Variants in PIP5K1B observed in about 807,000 individuals in gnomAD.
The protein encoded by PIP5K1B is phosphatidylinositol 4-phosphate 5-kinase type-1 beta.
A neutral mutation model predicts 67.0 loss-of-function variants in PIP5K1B; 42 were observed. The ratio of observed to expected loss-of-function variants is 0.63; its 90% CI spans 0.49 to 0.81. The LOEUF (loss-of-function observed/expected upper bound fraction) is 0.81. PIP5K1B is among the 30% of genes least tolerant of loss of function. The pLI is 0.00. For synonymous variants in PIP5K1B, 214 were observed against 231.4 expected (o/e 0.92, Z 0.68); for missense variants, 459 against 646.3 (o/e 0.71, Z 3.14).
At chr9:68,786,943 C>A (rs181479799) in intron 2 of PIP5K1B, among the ~76,000 whole-genome samples, 1 of 152,114 alleles carries the variant, frequency 6.6e-6, no homozygotes, top group Non-Finnish European at 1.5e-5. Context: ...GTACCACCCC[C>A]GCATGGACAA....
intron 1 of PIP5K1B, among the ~76,000 whole-genome samples, chr9:68,725,717 G>A (rs1828117321): frequency 6.6e-6 from 1 of 152,088 alleles, no homozygotes; most frequent in Non-Finnish European, 1.5e-5. Flanking sequence ...AAAAAGAGAC[G>A]AACCCTGAAT....
chr9:68,955,848 T>C (rs1340883785), intron 14 of PIP5K1B, among the ~76,000 whole-genome samples: 2 of 152,264 alleles, frequency 1.3e-5, no homozygotes, highest in Non-Finnish European at 2.9e-5. Flanking sequence ...TTTTTGTTTA[T>C]AATAATCCTA....
chr9:68,985,254 C>CTT (rs749017407), intron 14 of PIP5K1B, among the ~76,000 whole-genome samples: 2 of 140,298 alleles, frequency 1.4e-5, no homozygotes, highest in Admixed American at 7.1e-5. Context: ...ATCTCTTCTT[C>CTT]TTTTTTTTTT....
In PIP5K1B at chr9:68,945,873, C is replaced by T. The variant is rs574494015; in HGVS notation, c.1502+5083C>T. On this transcript the variant is annotated intron_variant, in intron 14 of 15. Transcript: ENST00000265382. The stretch of plus-strand genomic sequence containing the variant: ...ATTTGGTGACATCCATACAAGTTCT[C>T]GTCTTCATCTTTTTGCCTTTTCTTT... Among the ~76,000 whole-genome samples, 4 of 152,304 alleles carry T rather than the reference C, an allele frequency of 2.6e-5. No individual in the cohort carries two copies. In the East Asian group the frequency reaches 5.8e-4, roughly 22 times the overall value.
At chr9:68,994,079 C>T (rs1288981825) in intron 15 of PIP5K1B, among the ~76,000 whole-genome samples, 1 of 106,116 alleles carries the variant, frequency 9.4e-6, no homozygotes, top group African/African-American at 3.4e-5. Context: ...TCACTCTTGT[C>T]GCCCAGGCTG....
chr9:68,784,476 A>G (rs1323353613), intron 2 of PIP5K1B: 1 of 166,654 alleles, frequency 6.0e-6, no homozygotes, highest in Non-Finnish European at 1.5e-5. Flanking sequence ...ATTGATTGTA[A>G]TCAAGAATAA....
rs1827086834 is a variant in PIP5K1B at position 68,705,617 on chromosome 9, T to TCCGCCCTCCCGCCCCTC, written c.-381_-365dup. On this transcript the variant is annotated 5_prime_UTR_variant, in exon 1 of 16. Transcript: ENST00000265382. ...GGCCCCGGCCCCGCCCGCCGCCCCC[T>TCCGCCCTCCCGCCCCTC]CCGCCCTCCCGCCCCTCCCGCCCCT... 1.3e-4 allele frequency: 1 copy of TCCGCCCTCCCGCCCCTC among 7,522 alleles called. No individual in the cohort carries two copies. Among genetic ancestry groups the TCCGCCCTCCCGCCCCTC allele is most frequent in the Admixed American group, 1.3e-3 (1 of 744 alleles). 0.5% of individuals were successfully genotyped at this position (7,522 alleles called of 1,614,324 possible).
chr9:68,776,857 A>G (rs183375466), intron 2 of PIP5K1B, among the ~76,000 whole-genome samples: 41 of 152,264 alleles, frequency 2.7e-4, no homozygotes, highest in African/African-American at 9.4e-4. Flanking sequence ...AGCTGGCTAC[A>G]TTGCATTTTA....
chr9:68,764,712 G>C (rs575706555), intron 2 of PIP5K1B, among the ~76,000 whole-genome samples: 2 of 152,152 alleles, frequency 1.3e-5, no homozygotes, highest in African/African-American at 4.8e-5. Context: ...AATAATGCTA[G>C]CAAAGACAAA....
intron 4 of PIP5K1B, among the ~76,000 whole-genome samples, chr9:68,863,441 G>A (rs764963406): frequency 2.0e-5 from 3 of 151,892 alleles, no homozygotes; most frequent in East Asian, 1.9e-4. Flanking sequence ...ACACACACAC[G>A]TATACAGTAG....
rs1385696514 is a variant in PIP5K1B, at chr9:68,894,777, T to C, written c.771+139T>C. The C allele has an allele frequency of 5.3e-6, 4 of 760,536 alleles. No individual in the cohort carries two copies. In the Admixed American group the frequency reaches 1.1e-4, roughly 21 times the overall value. 47.1% of individuals were successfully genotyped at this position (760,536 alleles called of 1,614,324 possible). ...ATCCTATCTTTCCCAATCCTGGCGCTGAGCCATGCTTCCCTGATATTGAAG... is the reference window on the plus strand; with the variant it reads ...ATCCTATCTTTCCCAATCCTGGCGCCGAGCCATGCTTCCCTGATATTGAAG... On this transcript the variant is annotated intron_variant, in intron 8 of 15. Transcript: ENST00000265382.
At chr9:68,884,442 T>C (rs539942578) in intron 6 of PIP5K1B, among the ~76,000 whole-genome samples, 1 of 151,028 alleles carries the variant, frequency 6.6e-6, no homozygotes, top group East Asian at 1.9e-4. Flanking sequence ...AGCAGGTGGA[T>C]TGCTTAGCCC....
intron 14 of PIP5K1B, among the ~76,000 whole-genome samples, chr9:68,956,475 A>G (rs1019642138): frequency 6.6e-6 from 1 of 152,212 alleles, no homozygotes; most frequent in Non-Finnish European, 1.5e-5. Flanking sequence ...CTCAGAAAAA[A>G]AAAGAAAGAA....
chr9:68,848,996 A>G (rs914805883), intron 4 of PIP5K1B, among the ~76,000 whole-genome samples: 2 of 152,246 alleles, frequency 1.3e-5, no homozygotes, highest in African/African-American at 4.8e-5. Context: ...GGATAGAATC[A>G]TTCTTACACA....
intron 14 of PIP5K1B, among the ~76,000 whole-genome samples, chr9:68,968,155 A>G (rs753715842): frequency 2.0e-5 from 3 of 152,222 alleles, no homozygotes; most frequent in Non-Finnish European, 4.4e-5. Flanking sequence ...ATCTATATAA[A>G]GTGGAATCAT....
At chr9:68,792,296 A>G (rs1832018289) in intron 2 of PIP5K1B, among the ~76,000 whole-genome samples, 1 of 152,238 alleles carries the variant, frequency 6.6e-6, no homozygotes, top group Non-Finnish European at 1.5e-5. Context: ...ATGAATTAAT[A>G]GATGGATAAA....
At chr9:68,711,814 T>C (rs1020698432) in intron 1 of PIP5K1B, among the ~76,000 whole-genome samples, 1 of 152,216 alleles carries the variant, frequency 6.6e-6, no homozygotes, top group African/African-American at 2.4e-5. Flanking sequence ...AAGTATTCAG[T>C]AAGCGTAGTT....
At chr9:68,815,150 A>T (rs975441664) in intron 2 of PIP5K1B, among the ~76,000 whole-genome samples, 2 of 152,146 alleles carry the variant, frequency 1.3e-5, no homozygotes, top group Non-Finnish European at 2.9e-5. Context: ...TGAAAATCAA[A>T]TACAAAATGA....
At chr9:68,878,591 A>G (rs1824016815) in intron 6 of PIP5K1B, among the ~76,000 whole-genome samples, 1 of 152,216 alleles carries the variant, frequency 6.6e-6, no homozygotes, top group South Asian at 2.1e-4. Flanking sequence ...GACACTTTGA[A>G]CACCAATTAT....
Sources: gnomAD v4.1 joint callset for allele counts (sites outside exome capture counted in the v4.1 genomes callset) on GRCh38, gnomAD v4.1.1 for gene constraint, MANE v1.5 for transcripts, NCBI Gene and HGNC (gene_info 2026-07-23, HGNC 2026-07-21) for gene names.